The following TMEM132B variants were observed in gnomAD, a reference collection of about 807,000 sequenced individuals.
The protein encoded by TMEM132B is transmembrane protein 132B.
Under a neutral mutation model 90.8 loss-of-function variants are expected in TMEM132B, and 18 were observed. That is an observed-to-expected ratio of 0.20 (90% CI 0.14 to 0.29). The LOEUF is 0.29. TMEM132B is among the 10% of genes least tolerant of loss of function. TMEM132B has a pLI of 1.00. For synonymous variants in TMEM132B, 504 were observed against 523.3 expected (o/e 0.96, Z 0.50); for missense variants, 1,096 against 1,326.8 (o/e 0.83, Z 2.70).
chr12:125,475,650 C>T (rs1483041428), intron 3 of TMEM132B, among the ~76,000 whole-genome samples: 1 of 152,206 alleles, frequency 6.6e-6, no homozygotes, highest in Non-Finnish European at 1.5e-5. Flanking sequence ...CCAAGTTCTT[C>T]AGCTTTGGGA....
At chr12:125,404,414 GTTTAGA>G (rs1318072908) in intron 2 of TMEM132B, among the ~76,000 whole-genome samples, 1 of 152,188 alleles carries the variant, frequency 6.6e-6, no homozygotes, top group African/African-American at 2.4e-5. Context: ...GAGAAGAAGT[GTTTAGA>G]ATCCTGGCTG....
In TMEM132B at chr12:125,362,184, C is replaced by T. The variant is rs572497065; in HGVS notation, c.959+11841C>T. ...GGGGCATGACCTTGGCTGACCTTGA[C>T]ACCCAGCATCAAGACCCTCCTTTCC... On this transcript the variant is annotated intron_variant, in intron 2 of 8. Transcript: ENST00000682704. 2.8e-4 allele frequency among the ~76,000 whole-genome samples: 42 copies of T among 152,280 alleles called. No individual in the cohort carries two copies. In the South Asian group the frequency reaches 8.3e-3, roughly 30 times the overall value.
intron 1 of TMEM132B, among the ~76,000 whole-genome samples, chr12:125,227,722 C>T (rs1873714471): frequency 6.6e-6 from 1 of 152,186 alleles, no homozygotes; most frequent in Non-Finnish European, 1.5e-5. Flanking sequence ...CCTTGCCATT[C>T]TTGTGCAGGT....
chr12:125,234,686 A>G (rs1873894016), intron 1 of TMEM132B, among the ~76,000 whole-genome samples: 1 of 152,158 alleles, frequency 6.6e-6, no homozygotes, highest in Admixed American at 6.5e-5. Context: ...CCTCTGTTCA[A>G]GATGGGATCA....
rs557881896 is a variant in TMEM132B, at chr12:125,606,451, A to G, written c.1437+22457A>G. ...ATGAGCGTACAGCTGTGTGCATGCT[A>G]GCTACTATGTAGATAATGTGGGTGC... is the stretch of plus-strand genomic sequence containing the variant. On this transcript the variant is annotated intron_variant, in intron 5 of 8. Transcript: ENST00000682704. 2.0e-5 allele frequency among the ~76,000 whole-genome samples: 3 copies of G among 152,178 alleles called. No homozygotes were observed. In the East Asian group the frequency reaches 5.8e-4, roughly 30 times the overall value.
intron 1 of TMEM132B, among the ~76,000 whole-genome samples, chr12:125,263,526 A>G (rs1874616740): frequency 6.6e-6 from 1 of 152,212 alleles, no homozygotes; most frequent in Non-Finnish European, 1.5e-5. Context: ...GACTCGGAGT[A>G]GTGCCTAGCA....
intron 5 of TMEM132B, among the ~76,000 whole-genome samples, chr12:125,642,833 A>G (rs1886663755): frequency 6.6e-6 from 1 of 152,224 alleles, no homozygotes; most frequent in Admixed American, 6.5e-5. Context: ...TAAGTGTCCC[A>G]TTAGCTATTT....
At chr12:125,577,089 A>G (rs1884958591) in intron 4 of TMEM132B, among the ~76,000 whole-genome samples, 1 of 151,646 alleles carries the variant, frequency 6.6e-6, no homozygotes, top group Admixed American at 6.6e-5. Context: ...CTTTTGTTAG[A>G]CTTTATTAAT....
intron 5 of TMEM132B, chr12:125,622,619 C>T: frequency 2.0e-6 from 2 of 985,436 alleles, no homozygotes; most frequent in South Asian, 9.4e-5. Flanking sequence ...TGGAAATCTC[C>T]ACTTTGAGTG....
chr12:125,532,944 G>T (rs1274995882), intron 4 of TMEM132B, among the ~76,000 whole-genome samples: 1 of 152,170 alleles, frequency 6.6e-6, no homozygotes, highest in South Asian at 2.1e-4. Context: ...TTTGATGTTG[G>T]GTTGCCCGCT....
intron 5 of TMEM132B, among the ~76,000 whole-genome samples, chr12:125,633,606 G>A (rs142618772): frequency 9.9e-4 from 151 of 152,360 alleles, no homozygotes; most frequent in Admixed American, 7.6e-3. Context: ...CTTAGGTGTT[G>A]TGATCTAAGC....
chr12:125,501,236 A>C (rs1882687284), intron 3 of TMEM132B, among the ~76,000 whole-genome samples: 1 of 152,228 alleles, frequency 6.6e-6, no homozygotes, highest in Non-Finnish European at 1.5e-5. Context: ...ATTTCAGATA[A>C]ATGAGGAATA....
At chr12:125,223,423 T>C (rs145118671) in intron 1 of TMEM132B, among the ~76,000 whole-genome samples, 10 of 152,336 alleles carry the variant, frequency 6.6e-5, no homozygotes, top group African/African-American at 1.9e-4. Context: ...TTGGGAAACA[T>C]AAAACAACGG....
chr12:125,514,458 T>A (rs1245442961), intron 3 of TMEM132B, among the ~76,000 whole-genome samples: 1 of 152,138 alleles, frequency 6.6e-6, no homozygotes, highest in Non-Finnish European at 1.5e-5. Context: ...TTCAGTGTAA[T>A]CATCACTCAG....
At chr12:125,582,384 T>G (rs1885073941) in intron 4 of TMEM132B, among the ~76,000 whole-genome samples, 2 of 152,080 alleles carry the variant, frequency 1.3e-5, no homozygotes, top group African/African-American at 2.4e-5. Context: ...GGGCCGACTA[T>G]AGAATCCACA....
At chr12:125,314,802 A>G (rs771530066) in intron 1 of TMEM132B, among the ~76,000 whole-genome samples, 54 of 152,188 alleles carry the variant, frequency 3.5e-4, no homozygotes, top group Non-Finnish European at 6.0e-4. Flanking sequence ...CTGTTCTTTC[A>G]GAAATTAGAA....
At chr12:125,643,503 C>T (rs1449561684) in intron 5 of TMEM132B, among the ~76,000 whole-genome samples, 4 of 152,174 alleles carry the variant, frequency 2.6e-5, no homozygotes, top group South Asian at 2.1e-4. Context: ...CAAAAGACCA[C>T]GGTGAAATGC....
intron 3 of TMEM132B, among the ~76,000 whole-genome samples, chr12:125,475,178 G>A (rs1013087947): frequency 3.9e-5 from 6 of 152,150 alleles, no homozygotes; most frequent in African/African-American, 1.4e-4. Context: ...GTGTTGGGGG[G>A]AAGAGGACCC....
intron 5 of TMEM132B, among the ~76,000 whole-genome samples, chr12:125,615,523 T>C (rs964456740): frequency 3.3e-5 from 5 of 152,204 alleles, no homozygotes; most frequent in African/African-American, 1.2e-4. Flanking sequence ...ATTTTTCATT[T>C]AAGTTTTTCT....
Sources: gnomAD v4.1 joint callset for allele counts (sites outside exome capture counted in the v4.1 genomes callset) on GRCh38, gnomAD v4.1.1 for gene constraint, MANE v1.5 for transcripts, NCBI Gene and HGNC (gene_info 2026-07-23, HGNC 2026-07-21) for gene names.